The following PSTPIP2 variants were observed in gnomAD, a reference collection of about 807,000 sequenced individuals.
The protein encoded by PSTPIP2 is proline-serine-threonine phosphatase interacting protein 2.
Under a neutral mutation model 63.3 loss-of-function variants are expected in PSTPIP2, and 33 were observed. The observed-to-expected ratio is 0.52, with a 90% confidence interval of 0.40 to 0.70. The LOEUF (loss-of-function observed/expected upper bound fraction) is 0.70, where lower values mean the gene tolerates loss of function less well. Ranked by LOEUF, PSTPIP2 falls within the 30% of genes least tolerant of loss-of-function variation. The pLI is 0.00. For synonymous variants in PSTPIP2, 125 were observed against 132.7 expected, an observed-to-expected ratio of 0.94 and a Z score of 0.40; for missense variants, 312 against 400.7, an observed-to-expected ratio of 0.78 and a Z score of 1.89.
chr18:46,050,005 CAAAT>C (rs1415195624), intron 1 of PSTPIP2, among the ~76,000 whole-genome samples: 4 of 152,056 alleles, frequency 2.6e-5, no homozygotes, highest in Non-Finnish European at 5.9e-5. Context: ...TATTAATAAT[CAAAT>C]AAAGGCAAAC....
chr18:45,983,754 G>C lies in PSTPIP2; in HGVS notation c.*1705C>G, dbSNP rs1290289492. On this transcript the variant is annotated 3_prime_UTR_variant, in exon 15 of 15. Transcript: ENST00000409746. ...GAGCCCGTTCAGTTTGGGGAAATTTGGCCCTTTGCAAAATTCAGTTTCTCA... is the reference window on the plus strand; with the variant it reads ...GAGCCCGTTCAGTTTGGGGAAATTTCGCCCTTTGCAAAATTCAGTTTCTCA... 6.6e-6 allele frequency: 1 copy of C among 152,128 alleles called. No homozygotes were observed. Among genetic ancestry groups the C allele is most frequent in the Non-Finnish European group, 1.5e-5 (1 of 68,036 alleles). The allele number at this position is 152,128 out of a possible 1,614,324, so 9.4% of individuals were successfully genotyped here. A position where few individuals can be genotyped will look rare whatever the true frequency, so the allele number is the denominator to read the frequency against.
At chr18:46,055,141 T>C (rs1951494735) in intron 1 of PSTPIP2, among the ~76,000 whole-genome samples, 1 of 152,104 alleles carries the variant, frequency 6.6e-6, no homozygotes, top group Admixed American at 6.5e-5. Flanking sequence ...ATCTCTCCCC[T>C]TTCCCCTGAC....
At position 46,056,763 on chromosome 18, in the gene PSTPIP2, G is replaced by A. The variant is rs143557597; in HGVS notation, c.33+15393C>T. Among the ~76,000 whole-genome samples, 870 of 151,854 alleles carry A rather than the reference G, an allele frequency of 5.7e-3. 16 individuals carry two copies. The highest frequency in any genetic ancestry group is 0.032 in the Admixed American group (489 of 15,222). On this transcript the variant is annotated intron_variant, in intron 1 of 14. Coordinates refer to ENST00000409746, the MANE Select transcript of PSTPIP2 (RefSeq NM_024430.4). ...AGTTTTGATATTTTGTTCCTGGAAG[G>A]GTTTTTCTCATTAACTTTGTTTTTT...
At position 46,011,302 on chromosome 18, in the gene PSTPIP2, TA is replaced by T. The variant is rs537017040; in HGVS notation, c.248-16del. ...ATTGTCTACTTCTGCAAAAAAGAATTAAAAAAAAAATCAAGGTCTACATATG... is the reference window on the plus strand; with the variant it reads ...ATTGTCTACTTCTGCAAAAAAGAATTAAAAAAAAATCAAGGTCTACATATG... On this transcript the variant is annotated splice_polypyrimidine_tract_variant and intron_variant, in intron 4 of 14. Transcript: ENST00000409746. 8.3e-4 allele frequency: 1,286 copies of T among 1,542,708 alleles called. 11 individuals carry two copies. Among genetic ancestry groups the T allele is most frequent in the South Asian group, 6.5e-3 (561 of 86,212 alleles).
intron 5 of PSTPIP2, among the ~76,000 whole-genome samples, chr18:46,008,353 C>T (rs1013927403): frequency 6.6e-6 from 1 of 152,008 alleles, no homozygotes; most frequent in South Asian, 2.1e-4. Flanking sequence ...GAGTCTCACT[C>T]TGTTGCCCAG....
In PSTPIP2 at chr18:45,988,865, C is replaced by CT. The variant is rs2051494764; in HGVS notation, c.956-107dup. On this transcript the variant is annotated intron_variant, in intron 13 of 14. Coordinates refer to ENST00000409746, the MANE Select transcript of PSTPIP2 (RefSeq NM_024430.4). ...TCACTTACAGATTCTGGTGTCTATC[C>CT]TTTTGTAAAGAGAAAATAGATCTGC... 8 of 926,088 alleles carry CT rather than the reference C, an allele frequency of 8.6e-6. No individual in the cohort carries two copies. The East Asian group carries it at 2.0e-4, about 23-fold the overall frequency. The allele number at this position is 926,088 out of a possible 1,614,324, so 57.4% of individuals were successfully genotyped here. A position where few individuals can be genotyped will look rare whatever the true frequency, so the allele number is the denominator to read the frequency against.
chr18:46,001,963 A>G lies in PSTPIP2; in HGVS notation c.418-2429T>C, dbSNP rs576165157. On this transcript the variant is annotated intron_variant, in intron 6 of 14. Coordinates refer to ENST00000409746, the MANE Select transcript of PSTPIP2 (RefSeq NM_024430.4). The stretch of plus-strand genomic sequence containing the variant: ...GATTATTGACTATAATCACCATATC[A>G]TGCTATCATCCCCTTCAGTTTTAGA... 8.3e-4 allele frequency among the ~76,000 whole-genome samples: 127 copies of G among 152,300 alleles called. 1 individual carries two copies. Among genetic ancestry groups the G allele is most frequent in the Admixed American group, 2.4e-3 (37 of 15,302 alleles).
chr18:46,046,388 T>C (rs1908385512), intron 1 of PSTPIP2, among the ~76,000 whole-genome samples: 1 of 152,206 alleles, frequency 6.6e-6, no homozygotes, highest in Non-Finnish European at 1.5e-5. Context: ...GTTCCTCTCA[T>C]GATGTCTGCT....
At chr18:46,035,489 G>A (rs955256477) in intron 2 of PSTPIP2, among the ~76,000 whole-genome samples, 7 of 151,702 alleles carry the variant, frequency 4.6e-5, no homozygotes, top group Non-Finnish European at 7.4e-5. Flanking sequence ...GACTTGGAAG[G>A]ATGGGGAGAA....
rs769563494 is a variant in PSTPIP2 at position 46,015,904 on chromosome 18, C to T, written c.246G>A (p.Gln82=). The T allele has an allele frequency of 1.2e-6, 2 of 1,611,826 alleles. No individual in the cohort carries two copies. The highest frequency in any genetic ancestry group is 1.3e-5 in the African/African-American group (1 of 74,810). ...TLKRALEVFK[Q]QVDNVAQCHI... Reference sequence around the variant, plus strand: ...TTTTTTAAAAAAAAAATCACTTACGCTGCTTGAAGACTTCAAGGGCCCGCT... The same window carrying T: ...TTTTTTAAAAAAAAAATCACTTACGTTGCTTGAAGACTTCAAGGGCCCGCT... The change falls in exon 4 of 15, where the codon CAG becomes CAA. Residue 82 remains glutamine, a splice_region_variant and synonymous_variant. Transcript: ENST00000409746.
chr18:46,071,640 G>C lies in PSTPIP2; in HGVS notation c.33+516C>G, dbSNP rs144928496. ...TCTATGCTGTACGTTTCCTGGAAAGGACGATCCCGGGGGGCAGCTGCTGCT... is the reference window on the plus strand; with the variant it reads ...TCTATGCTGTACGTTTCCTGGAAAGCACGATCCCGGGGGGCAGCTGCTGCT... On this transcript the variant is annotated intron_variant, in intron 1 of 14. Transcript: ENST00000409746. Among the ~76,000 whole-genome samples the C allele has an allele frequency of 2.0e-3, 300 of 152,282 alleles. 1 individual carries two copies. Among genetic ancestry groups the C allele is most frequent in the African/African-American group, 6.8e-3 (281 of 41,566 alleles).
chr18:46,027,025 T>G (rs1907601108), intron 2 of PSTPIP2, among the ~76,000 whole-genome samples: 1 of 152,156 alleles, frequency 6.6e-6, no homozygotes, highest in South Asian at 2.1e-4. Context: ...CCGGGTGCAA[T>G]GGCTCACACC....
intron 4 of PSTPIP2, among the ~76,000 whole-genome samples, chr18:46,012,282 A>T (rs1248797178): frequency 6.6e-6 from 1 of 152,184 alleles, no homozygotes; most frequent in African/African-American, 2.4e-5. Context: ...AAAAAAAAAC[A>T]GCACAACCTT....
chr18:46,069,140 G>T (rs1909302823), intron 1 of PSTPIP2, among the ~76,000 whole-genome samples: 1 of 152,164 alleles, frequency 6.6e-6, no homozygotes, highest in Admixed American at 6.5e-5. Context: ...CAAGTGAGAA[G>T]CCTGGAAATC....
chr18:46,020,562 G>A (rs1419255946), intron 3 of PSTPIP2, among the ~76,000 whole-genome samples: 1 of 152,052 alleles, frequency 6.6e-6, no homozygotes, highest in Non-Finnish European at 1.5e-5. Context: ...CTGAAGCAGA[G>A]AACTGCTTGA....
chr18:46,059,184 G>A lies in PSTPIP2; in HGVS notation c.33+12972C>T, dbSNP rs749460447. Among the ~76,000 whole-genome samples, 8 of 151,650 alleles carry A rather than the reference G, an allele frequency of 5.3e-5. No homozygotes were observed. In the South Asian group the frequency reaches 8.4e-4, roughly 16 times the overall value. ...CCTGAGTAGCAGGGATTACAGGCAC[G>A]CACGACCATGCCCAGCTAATTTTCA... On this transcript the variant is annotated intron_variant, in intron 1 of 14. Coordinates refer to ENST00000409746, the MANE Select transcript of PSTPIP2 (RefSeq NM_024430.4).
At position 45,984,409 on chromosome 18, in the gene PSTPIP2, C is replaced by CGGAT. The variant is rs1406430032; in HGVS notation, c.*1046_*1049dup. ...CCCAAATATTTGTGAAAGTGTAAGA[C>CGGAT]GGATGCATTTAAAATTCTGGGGTCT... On this transcript the variant is annotated 3_prime_UTR_variant, in exon 15 of 15. Coordinates refer to ENST00000409746, the MANE Select transcript of PSTPIP2 (RefSeq NM_024430.4). 1 of 152,088 alleles carries CGGAT rather than the reference C, an allele frequency of 6.6e-6. No individual in the cohort carries two copies. Among genetic ancestry groups the CGGAT allele is most frequent in the African/African-American group, 2.4e-5 (1 of 41,412 alleles). The allele number at this position is 152,088 out of a possible 1,614,324, so 9.4% of individuals were successfully genotyped here. A position where few individuals can be genotyped will look rare whatever the true frequency, so the allele number is the denominator to read the frequency against.
At chr18:46,013,295 C>T (rs1484211168) in intron 4 of PSTPIP2, among the ~76,000 whole-genome samples, 1 of 152,076 alleles carries the variant, frequency 6.6e-6, no homozygotes, top group African/African-American at 2.4e-5. Flanking sequence ...GAAGAAGACA[C>T]CTTCTATGTA....
intron 5 of PSTPIP2, among the ~76,000 whole-genome samples, chr18:46,009,066 G>C (rs2051764075): frequency 6.6e-6 from 1 of 151,982 alleles, no homozygotes. Flanking sequence ...CATGATTCCT[G>C]GGTCACATCC....
Sources: allele counts gnomAD v4.1 joint callset (sites outside exome capture counted in the v4.1 genomes callset), GRCh38; gene constraint gnomAD v4.1.1; transcripts MANE v1.5; gene names NCBI Gene and HGNC (gene_info 2026-07-23, HGNC 2026-07-21).